The following COMMD10 variants were observed in gnomAD, a reference collection of about 807,000 sequenced individuals.
The protein encoded by COMMD10 is COMM domain-containing protein 10.
Under a neutral mutation model 28.9 loss-of-function variants are expected in COMMD10, and 33 were observed. The observed-to-expected ratio is 1.14, with a 90% CI of 0.87 to 1.53. COMMD10 has a LOEUF of 1.53. Among genes scored for constraint, COMMD10 ranks in the 40% most tolerant of loss-of-function variants. The probability of loss-of-function intolerance (pLI) is 0.00; values close to 1 mark genes in which losing one functional copy is unlikely to be tolerated. For synonymous variants in COMMD10, 110 were observed against 81.7 expected (o/e 1.35, Z -1.87); for missense variants, 310 against 233.4 (o/e 1.33, Z -2.14).
At chr5:116,116,125 A>C (rs1044495653) in intron 4 of COMMD10, among the ~76,000 whole-genome samples, 3 of 152,190 alleles carry the variant, frequency 2.0e-5, no homozygotes, top group Admixed American at 2.0e-4. Flanking sequence ...AATCTACATG[A>C]AAAAATGGAT....
intron 5 of COMMD10, among the ~76,000 whole-genome samples, chr5:116,161,355 T>A (rs1210595253): frequency 6.6e-6 from 1 of 152,204 alleles, no homozygotes; most frequent in African/African-American, 2.4e-5. Context: ...TAATAGAAGC[T>A]GAATAAATGT....
intron 5 of COMMD10, among the ~76,000 whole-genome samples, chr5:116,146,051 C>G (rs2112544171): frequency 6.6e-6 from 1 of 151,994 alleles, no homozygotes; most frequent in East Asian, 1.9e-4. Context: ...CAGGATCACT[C>G]AGTGACTTTT....
At chr5:116,205,063 G>A (rs147394089) in intron 5 of COMMD10, among the ~76,000 whole-genome samples, 13 of 152,188 alleles carry the variant, frequency 8.5e-5, no homozygotes, top group East Asian at 7.7e-4. Flanking sequence ...AGCTCCAGCC[G>A]CTCTTTATTT....
At chr5:116,163,161 A>G (rs1752973038) in intron 5 of COMMD10, among the ~76,000 whole-genome samples, 1 of 136,184 alleles carries the variant, frequency 7.3e-6, no homozygotes, top group Non-Finnish European at 1.6e-5. Context: ...ATATACAAAT[A>G]ACTTTTAATA....
At chr5:116,230,061 C>T (rs1018243085) in intron 5 of COMMD10, among the ~76,000 whole-genome samples, 3 of 151,906 alleles carry the variant, frequency 2.0e-5, no homozygotes, top group African/African-American at 7.2e-5. Flanking sequence ...TTCTTTGCCT[C>T]ATATATCATA....
At chr5:116,218,099 C>A in intron 5 of COMMD10, 1 of 1,308,844 alleles carries the variant, frequency 7.6e-7, no homozygotes, top group Non-Finnish European at 1.1e-6. Context: ...AGGGTTATTC[C>A]CCTCCTTGCC....
At chr5:116,284,795 AG>A (rs1367925666) in intron 5 of COMMD10, among the ~76,000 whole-genome samples, 1 of 151,892 alleles carries the variant, frequency 6.6e-6, no homozygotes, top group Non-Finnish European at 1.5e-5. Context: ...GTTGACTCAT[AG>A]GCCAGAAGTA....
At chr5:116,259,771 A>G (rs1290152466) in intron 5 of COMMD10, among the ~76,000 whole-genome samples, 1 of 151,744 alleles carries the variant, frequency 6.6e-6, no homozygotes, top group Non-Finnish European at 1.5e-5. Flanking sequence ...CTACATTTCC[A>G]TAAATTGGCT....
intron 5 of COMMD10, among the ~76,000 whole-genome samples, chr5:116,159,680 C>G (rs1402146707): frequency 2.6e-5 from 4 of 152,076 alleles, no homozygotes; most frequent in Admixed American, 6.6e-5. Flanking sequence ...GAGGTTTATT[C>G]CAAGTACAGG....
intron 4 of COMMD10, among the ~76,000 whole-genome samples, chr5:116,127,704 C>T (rs1007144708): frequency 5.3e-5 from 8 of 152,142 alleles, no homozygotes; most frequent in Admixed American, 2.6e-4. Context: ...CATGTTCTCA[C>T]TCATAGGTGG....
chr5:116,245,896 CT>C (rs1285067798), intron 5 of COMMD10, among the ~76,000 whole-genome samples: 1 of 152,142 alleles, frequency 6.6e-6, no homozygotes, highest in Non-Finnish European at 1.5e-5. Context: ...TGAGCAAAAG[CT>C]GGAAGCATTC....
intron 4 of COMMD10, among the ~76,000 whole-genome samples, chr5:116,101,174 T>G (rs894205542): frequency 5.3e-5 from 8 of 152,200 alleles, no homozygotes; most frequent in Admixed American, 5.2e-4. Flanking sequence ...TGATCCCATA[T>G]TGTTGTTATT....
At chr5:116,156,981 A>T (rs928353990) in intron 5 of COMMD10, among the ~76,000 whole-genome samples, 2 of 152,050 alleles carry the variant, frequency 1.3e-5, no homozygotes, top group Non-Finnish European at 2.9e-5. Flanking sequence ...CAACCAGTTG[A>T]TTTTCAGTTT....
intron 5 of COMMD10, among the ~76,000 whole-genome samples, chr5:116,277,311 C>T (rs1169334639): frequency 6.6e-6 from 1 of 151,946 alleles, no homozygotes; most frequent in South Asian, 2.1e-4. Context: ...ATCATTTGTT[C>T]ACTTGATTCC....
At chr5:116,272,938 CATCTTCA>C (rs1376125726) in intron 5 of COMMD10, among the ~76,000 whole-genome samples, 1 of 151,816 alleles carries the variant, frequency 6.6e-6, no homozygotes, top group Non-Finnish European at 1.5e-5. Flanking sequence ...CTGTGGGCTT[CATCTTCA>C]ATGTTGTCTC....
intron 5 of COMMD10, among the ~76,000 whole-genome samples, chr5:116,279,997 G>A (rs1251094026): frequency 6.6e-6 from 1 of 151,814 alleles, no homozygotes; most frequent in Non-Finnish European, 1.5e-5. Flanking sequence ...TGATATACAG[G>A]TGAAAGTGCT....
In COMMD10 at chr5:116,168,377, C is replaced by G. The variant is rs145081893; in HGVS notation, c.510+34199C>G. 7.0e-3 allele frequency among the ~76,000 whole-genome samples: 1,065 copies of G among 152,154 alleles called. 15 individuals carry two copies. Among genetic ancestry groups the G allele is most frequent in the African/African-American group, 0.025 (1,020 of 41,484 alleles). ...CTATGAAGAGACTTAGACTCACACA[C>G]AATAATAGTGGGAGACTTTAACACC... is the stretch of plus-strand genomic sequence containing the variant. On this transcript the variant is annotated intron_variant, in intron 5 of 6. Transcript: ENST00000274458.
At chr5:116,194,224 G>T (rs983040241) in intron 5 of COMMD10, among the ~76,000 whole-genome samples, 3 of 151,956 alleles carry the variant, frequency 2.0e-5, no homozygotes, top group Non-Finnish European at 4.4e-5. Context: ...AAGACTGAAG[G>T]AGCACAAACT....
At chr5:116,102,198 T>C (rs1452654688) in intron 4 of COMMD10, among the ~76,000 whole-genome samples, 1 of 152,226 alleles carries the variant, frequency 6.6e-6, no homozygotes, top group African/African-American at 2.4e-5. Context: ...AAGTATTCCA[T>C]TGAAGTCTCT....
Sources: gnomAD v4.1 joint callset for allele counts (sites outside exome capture counted in the v4.1 genomes callset) on GRCh38, gnomAD v4.1.1 for gene constraint, MANE v1.5 for transcripts, NCBI Gene and HGNC (gene_info 2026-07-23, HGNC 2026-07-21) for gene names.